FLVCR2: variants seen among roughly 807,000 people sequenced by gnomAD.
FLVCR2 encodes the protein FLVCR choline and putative heme transporter 2, also known as choline/ethanolamine transporter FLVCR2.
A neutral mutation model predicts 48.9 loss-of-function variants in FLVCR2; 38 were observed. The ratio of observed to expected loss-of-function variants is 0.78; its 90% CI spans 0.60 to 1.02. The LOEUF is 1.02. FLVCR2 is among the 50% of genes least tolerant of loss of function. The probability of loss-of-function intolerance (pLI) is 0.00; values close to 1 mark genes in which losing one functional copy is unlikely to be tolerated. For missense variants in FLVCR2, 664 were observed against 663.3 expected, an observed-to-expected ratio of 1.00 and a Z score of -0.01; for synonymous variants, 255 against 257.0, an observed-to-expected ratio of 0.99 and a Z score of 0.07.
At chr14:75,644,845 T>C (rs1244496821) in intron 9 of FLVCR2, among the ~76,000 whole-genome samples, 2 of 152,130 alleles carry the variant, frequency 1.3e-5, no homozygotes, top group African/African-American at 2.4e-5. Flanking sequence ...GTGAGATGTA[T>C]AGTTTAGGGA....
chr14:75,645,655 C>T (rs752121217), intron 9 of FLVCR2, among the ~76,000 whole-genome samples: 9 of 152,166 alleles, frequency 5.9e-5, no homozygotes, highest in African/African-American at 7.2e-5. Flanking sequence ...CGGTGGGTCA[C>T]GCCTGTAATC....
chr14:75,639,774 C>T (rs1302519998), intron 6 of FLVCR2, among the ~76,000 whole-genome samples: 2 of 152,142 alleles, frequency 1.3e-5, no homozygotes, highest in African/African-American at 4.8e-5. Flanking sequence ...GGCTTGGAAC[C>T]AGAGACTCTG....
At chr14:75,625,476 C>T (rs1251752016) in intron 3 of FLVCR2, among the ~76,000 whole-genome samples, 2 of 151,962 alleles carry the variant, frequency 1.3e-5, no homozygotes, top group African/African-American at 4.9e-5. Flanking sequence ...GACAGAGCCT[C>T]ATAGCATTCC....
chr14:75,611,144 A>T (rs1182830156), intron 1 of FLVCR2, among the ~76,000 whole-genome samples: 1 of 152,236 alleles, frequency 6.6e-6, no homozygotes, highest in Non-Finnish European at 1.5e-5. Context: ...AAAACTAAGC[A>T]TGACATAAAA....
intron 5 of FLVCR2, among the ~76,000 whole-genome samples, chr14:75,638,528 C>G (rs1328759645): frequency 6.6e-6 from 1 of 152,184 alleles, no homozygotes; most frequent in Non-Finnish European, 1.5e-5. Context: ...TTGTAGGTGA[C>G]AGAGCACATT....
At position 75,579,195 on chromosome 14, in the gene FLVCR2, C is replaced by G. The variant is rs778121578; in HGVS notation, c.223C>G (p.Leu75Val). 1 of 1,614,206 alleles carries G rather than the reference C, an allele frequency of 6.2e-7. No homozygotes were observed. Among genetic ancestry groups the G allele is most frequent in the Non-Finnish European group, 8.5e-7 (1 of 1,180,038 alleles). ...AHPSSSGPEDLSVIKVSRRRW... is the reference protein window; with the variant it reads ...AHPSSSGPEDVSVIKVSRRRW... ...CCCCAGTAGCTCGGGCCCTGAGGAC[C>G]TCAGCGTGATCAAGGTGAGCAGGCG... Residue 75 changes from leucine (L) to valine (V), a missense_variant, in exon 1 of 10, where the codon CTC becomes GTC. Transcript: ENST00000238667.
At chr14:75,587,212 C>T (rs1218445758) in intron 1 of FLVCR2, among the ~76,000 whole-genome samples, 1 of 152,036 alleles carries the variant, frequency 6.6e-6, no homozygotes, top group Non-Finnish European at 1.5e-5. Context: ...AATCTTGCAA[C>T]TTTATCCAGA....
At chr14:75,645,033 G>GGGGTGTGT (rs1433999747) in intron 9 of FLVCR2, among the ~76,000 whole-genome samples, 272 of 13,060 alleles carry the variant, frequency 0.021, 1 homozygote, top group Middle Eastern at 0.062. Flanking sequence ...AGGCGGGCGT[G>GGGGTGTGT]GTGTGTGTGT....
intron 1 of FLVCR2, among the ~76,000 whole-genome samples, chr14:75,586,752 G>T (rs1048759151): frequency 1.3e-5 from 2 of 151,654 alleles, no homozygotes; most frequent in African/African-American, 4.8e-5. Context: ...ATACTCCACG[G>T]GAGCATTACC....
At chr14:75,635,243 C>T (rs187116951) in intron 5 of FLVCR2, among the ~76,000 whole-genome samples, 1 of 152,220 alleles carries the variant, frequency 6.6e-6, no homozygotes, top group African/African-American at 2.4e-5. Context: ...GACTTGAAGG[C>T]CTAGCATAGT....
chr14:75,579,058 T>G lies in FLVCR2; in HGVS notation c.86T>G (p.Val29Gly). 6.2e-7 allele frequency: 1 copy of G among 1,604,408 alleles called. No homozygotes were observed. Among genetic ancestry groups the G allele is most frequent in the Non-Finnish European group, 8.5e-7 (1 of 1,173,074 alleles). Residue 29 changes from valine to glycine, a missense_variant, in exon 1 of 10, where the codon GTC becomes GGC. Physicochemically the swap from Val to Gly is moderately radical, Grantham distance 109. Transcript: ENST00000238667. The stretch of plus-strand genomic sequence containing the variant: ...CTCCAAGCGGACCCCAGCGTCTCGG[T>G]CCATCCCAGCGTCTCGGTCCATCCC... ...SALQADPSVSVHPSVSVHPSV... is the reference protein window; with the variant it reads ...SALQADPSVSGHPSVSVHPSV...
At chr14:75,603,880 G>T (rs776572331) in intron 1 of FLVCR2, among the ~76,000 whole-genome samples, 1 of 152,160 alleles carries the variant, frequency 6.6e-6, no homozygotes, top group Non-Finnish European at 1.5e-5. Context: ...GCCCACAAAG[G>T]GGTCAAGGAA....
chr14:75,588,470 A>G (rs573370344), intron 1 of FLVCR2, among the ~76,000 whole-genome samples: 9 of 152,190 alleles, frequency 5.9e-5, no homozygotes, highest in African/African-American at 1.9e-4. Context: ...CCAACACATG[A>G]ACTTTTGTTG....
At chr14:75,637,332 T>C (rs1890189144) in intron 5 of FLVCR2, among the ~76,000 whole-genome samples, 1 of 152,240 alleles carries the variant, frequency 6.6e-6, no homozygotes, top group Admixed American at 6.5e-5. Flanking sequence ...TCACAGAATC[T>C]GGCACTCAAG....
At chr14:75,582,561 A>T (rs1176668087) in intron 1 of FLVCR2, among the ~76,000 whole-genome samples, 1 of 152,260 alleles carries the variant, frequency 6.6e-6, no homozygotes, top group African/African-American at 2.4e-5. Flanking sequence ...CATGATGGCC[A>T]GCCTAAAACA....
chr14:75,579,269 C>G lies in FLVCR2; in HGVS notation c.297C>G (p.Ser99=). The change falls in exon 1 of 10, where the codon TCC becomes TCG. Residue 99 remains serine, a synonymous_variant. Transcript: ENST00000238667. ...LVFSCYSMCN[S]FQWIQYGSIN... The stretch of plus-strand genomic sequence containing the variant: ...TTAGCTGCTACTCCATGTGCAACTC[C>G]TTTCAGTGGATCCAGTACGGCTCCA... 6.2e-7 allele frequency: 1 copy of G among 1,614,264 alleles called. No homozygotes were observed. The highest frequency in any genetic ancestry group is 8.5e-7 in the Non-Finnish European group (1 of 1,180,052).
At chr14:75,589,375 ATTAAGTC>A (rs1888830142) in intron 1 of FLVCR2, among the ~76,000 whole-genome samples, 1 of 152,238 alleles carries the variant, frequency 6.6e-6, no homozygotes, top group South Asian at 2.1e-4. Flanking sequence ...GGAAAACAAC[ATTAAGTC>A]TTAAAGCTGG....
At chr14:75,598,630 C>A (rs959193789) in intron 1 of FLVCR2, among the ~76,000 whole-genome samples, 4 of 152,092 alleles carry the variant, frequency 2.6e-5, no homozygotes, top group African/African-American at 7.2e-5. Flanking sequence ...TATGTGCCAC[C>A]ATGCCTGGCT....
intron 3 of FLVCR2, chr14:75,631,578 C>A: frequency 2.9e-6 from 1 of 348,568 alleles, no homozygotes; most frequent in Non-Finnish European, 5.7e-6. Context: ...ATTCTGCCAT[C>A]CTTGGCTCAT....
Sources: allele counts gnomAD v4.1 joint callset (sites outside exome capture counted in the v4.1 genomes callset), GRCh38; gene constraint gnomAD v4.1.1; transcripts MANE v1.5; gene names NCBI Gene and HGNC (gene_info 2026-07-23, HGNC 2026-07-21).